The following ADAMTS14 variants were observed in gnomAD, a reference collection of about 807,000 sequenced individuals.
The protein encoded by ADAMTS14 is ADAM metallopeptidase with thrombospondin type 1 motif 14.
ADAMTS14 carries 100 observed loss-of-function variants against 128.6 expected under a neutral mutation model. That is an observed-to-expected ratio of 0.78 (90% CI 0.66 to 0.92). The LOEUF is 0.92. Ranked by LOEUF, ADAMTS14 falls within the 40% of genes least tolerant of loss-of-function variation. The pLI is 0.00. For missense variants in ADAMTS14, 1,562 were observed against 1,658.6 expected (o/e 0.94, Z 1.01); for synonymous variants, 665 against 653.8 (o/e 1.02, Z -0.26).
chr10:70,752,102 G>T lies in ADAMTS14; in HGVS notation c.2604G>T (p.Gln868His). 6.2e-7 allele frequency: 1 copy of T among 1,613,014 alleles called. No homozygotes were observed. Among genetic ancestry groups the T allele is most frequent in the South Asian group, 1.1e-5 (1 of 91,026 alleles). The change falls in exon 18 of 22, where the codon CAG (glutamine) becomes CAT (histidine). Residue 868 changes from glutamine to histidine, a missense_variant. Transcript: ENST00000373207. The stretch of plus-strand genomic sequence containing the variant: ...AGCCTGCCCACCCCATAGGGATCCA[G>T]TTCACCAAATACGGCTGCCGGCGCA... ...PCSKACGGGI[Q>H]FTKYGCRRRR...
intron 10 of ADAMTS14, among the ~76,000 whole-genome samples, chr10:70,737,107 C>A (rs1841851318): frequency 6.6e-6 from 1 of 152,138 alleles, no homozygotes; most frequent in African/African-American, 2.4e-5. Context: ...GGGGCCCAGG[C>A]AGGTTGATTA....
Position 70,751,481 on chromosome 10 carries a change from C to T in ADAMTS14, c.2431C>T (p.Leu811Phe), listed in dbSNP as rs1214080711. Reference sequence around the variant, plus strand: ...CCAGCTCCCCATCTCCCCTCAGGCTCTCCCCCCAACTGAGGGTGGCCCCCG... The same window carrying T: ...CCAGCTCCCCATCTCCCCTCAGGCTTTCCCCCCAACTGAGGGTGGCCCCCG... ...PLPEAIAILA[L>F]PPTEGGPRSS... The change falls in exon 17 of 22, where the codon CTC (leucine) becomes TTC (phenylalanine). Residue 811 changes from leucine to phenylalanine, a missense_variant. Coordinates refer to ENST00000373207, the MANE Select transcript of ADAMTS14 (RefSeq NM_080722.4). The T allele has an allele frequency of 3.1e-6, 5 of 1,600,142 alleles. No homozygotes were observed. The South Asian group carries it at 4.4e-5, about 14-fold the overall frequency.
intron 2 of ADAMTS14, among the ~76,000 whole-genome samples, chr10:70,682,286 T>C (rs10823597): frequency 0.23 from 34,428 of 152,142 alleles, 4,170 homozygotes; most frequent in Middle Eastern, 0.32. Context: ...CACTCCAGTG[T>C]CACTCTGGTA....
chr10:70,752,003 C>A (rs1842363839), intron 17 of ADAMTS14, 92 bp from the exon 18 acceptor site: 2 of 1,518,282 alleles, frequency 1.3e-6, no homozygotes. Context: ...GATTGGCCCA[C>A]AAGGCTCTCC....
intron 10 of ADAMTS14, among the ~76,000 whole-genome samples, chr10:70,737,990 C>T (rs1306275428): frequency 3.9e-5 from 6 of 152,146 alleles, no homozygotes; most frequent in East Asian, 1.9e-4. Context: ...TTCTATAGTA[C>T]GTAAATTACA....
At chr10:70,731,373 C>T (rs749814912) in intron 6 of ADAMTS14, among the ~76,000 whole-genome samples, 2 of 152,222 alleles carry the variant, frequency 1.3e-5, no homozygotes, top group Non-Finnish European at 2.9e-5. Context: ...CACTCAGCCT[C>T]TTGCTATACT....
intron 4 of ADAMTS14, among the ~76,000 whole-genome samples, chr10:70,711,854 G>C (rs10999476): frequency 0.17 from 25,363 of 152,066 alleles, 2,740 homozygotes; most frequent in East Asian, 0.56. Context: ...GAGCAGCAGA[G>C]TTCTGTCTGC....
chr10:70,680,304 GC>G (rs1198001983), intron 2 of ADAMTS14, among the ~76,000 whole-genome samples: 14 of 141,776 alleles, frequency 9.9e-5, no homozygotes, highest in Admixed American at 7.6e-4. Flanking sequence ...GGAGGTTGAG[GC>G]AGGAGAATCG....
At chr10:70,750,795 C>T (rs1420749895) in intron 16 of ADAMTS14, among the ~76,000 whole-genome samples, 2 of 152,144 alleles carry the variant, frequency 1.3e-5, no homozygotes, top group African/African-American at 4.8e-5. Context: ...TGGATGTCTA[C>T]ATGCAAAAGA....
At chr10:70,745,988 G>A (rs181174476) in intron 15 of ADAMTS14, among the ~76,000 whole-genome samples, 56 of 152,240 alleles carry the variant, frequency 3.7e-4, no homozygotes, top group African/African-American at 4.3e-4. Context: ...GTTTTCTAGC[G>A]TCCCATTAGT....
chr10:70,682,965 C>T (rs904876489), intron 2 of ADAMTS14, among the ~76,000 whole-genome samples: 3 of 152,248 alleles, frequency 2.0e-5, no homozygotes, highest in Non-Finnish European at 4.4e-5. Flanking sequence ...GGTGAGGAGG[C>T]ATAAACTCCT....
At chr10:70,735,085 T>C in intron 8 of ADAMTS14, 84 bp from the exon 9 acceptor site, 1 of 1,522,232 alleles carries the variant, frequency 6.6e-7, no homozygotes, top group South Asian at 1.3e-5. Context: ...CAGGCCTTGC[T>C]CATGAAAACC....
chr10:70,760,226 A>C, intron 21 of ADAMTS14, 134 bp from the exon 22 acceptor site: 1 of 1,210,958 alleles, frequency 8.3e-7, no homozygotes. Flanking sequence ...CCACCCTGAG[A>C]AAAAGCTTTA....
At chr10:70,755,067 A>G (rs2541226) in intron 19 of ADAMTS14, among the ~76,000 whole-genome samples, 95,422 of 151,654 alleles carry the variant, frequency 0.63, 30,232 homozygotes, top group South Asian at 0.7. Flanking sequence ...GATCTTTGGG[A>G]GGCTGATGTG....
Position 70,717,466 on chromosome 10 carries a change from T to C in ADAMTS14, c.870+8688T>C, listed in dbSNP as rs146112403. On this transcript the variant is annotated intron_variant, in intron 4 of 21. Coordinates refer to ENST00000373207, the MANE Select transcript of ADAMTS14 (RefSeq NM_080722.4). ...TGACAGAAGCCTGCAGAGACCTCCC[T>C]GGCATCTAGGTGTGGCGGGATGGCT... Among the ~76,000 whole-genome samples, 758 of 152,144 alleles carry C rather than the reference T, an allele frequency of 5.0e-3. 8 individuals are homozygous for C. Among genetic ancestry groups the C allele is most frequent in the African/African-American group, 0.017 (718 of 41,492 alleles).
At chr10:70,696,701 T>C (rs1356303650) in intron 2 of ADAMTS14, among the ~76,000 whole-genome samples, 1 of 151,900 alleles carries the variant, frequency 6.6e-6, no homozygotes, top group South Asian at 2.1e-4. Flanking sequence ...CCCGATGAAG[T>C]TTAATAATAA....
rs374207153 is a variant in ADAMTS14, at chr10:70,743,632, G to T, written c.2009G>T (p.Arg670Leu). The change falls in exon 13 of 22, where the codon CGC (arginine) becomes CTC (leucine). Residue 670 changes from arginine to leucine, a missense_variant. By Grantham distance (102) the Arg-to-Leu change is moderately radical (BLOSUM62 -2). Transcript: ENST00000373207. ...FMNQVVHDGTRCSYRDPYSVC... is the reference protein window; with the variant it reads ...FMNQVVHDGTLCSYRDPYSVC... ...AACCAGGTGGTTCACGATGGGACAC[G>T]CTGCAGCTACCGGGACCCATACAGC... The T allele has an allele frequency of 3.1e-6, 5 of 1,611,490 alleles. No individual in the cohort carries two copies. The African/African-American group carries it at 6.7e-5, about 22-fold the overall frequency.
chr10:70,726,190 C>T (rs768391183), intron 4 of ADAMTS14, among the ~76,000 whole-genome samples: 1 of 152,234 alleles, frequency 6.6e-6, no homozygotes, highest in African/African-American at 2.4e-5. Flanking sequence ...CTATCTCCTG[C>T]TCAGACAGGC....
intron 19 of ADAMTS14, among the ~76,000 whole-genome samples, chr10:70,754,709 A>C (rs866561673): frequency 6.6e-6 from 1 of 152,158 alleles, no homozygotes; most frequent in Non-Finnish European, 1.5e-5. Context: ...AGGGGTTTGC[A>C]TATATTCTAA....
Sources: allele counts gnomAD v4.1 joint callset (sites outside exome capture counted in the v4.1 genomes callset), GRCh38; gene constraint gnomAD v4.1.1; transcripts MANE v1.5; gene names NCBI Gene and HGNC (gene_info 2026-07-23, HGNC 2026-07-21).